Variants in PPP1R9A observed in about 807,000 individuals in gnomAD.
PPP1R9A encodes the protein protein phosphatase 1 regulatory subunit 9A, also known as neurabin-1.
In PPP1R9A, 59 loss-of-function variants were observed where a neutral mutation model predicts 141.9. The observed-to-expected ratio is 0.42, with a 90% CI of 0.34 to 0.52. PPP1R9A has a LOEUF of 0.52. Ranked by LOEUF, PPP1R9A falls within the 20% of genes least tolerant of loss-of-function variation. The pLI is 0.10. For missense variants in PPP1R9A, 1,444 were observed against 1,611.9 expected, an observed-to-expected ratio of 0.90 and a Z score of 1.78; for synonymous variants, 500 against 569.7, an observed-to-expected ratio of 0.88 and a Z score of 1.74.
At chr7:95,202,660 T>C in intron 6 of PPP1R9A, 1 of 831,006 alleles carries the variant, frequency 1.2e-6, no homozygotes, top group African/African-American at 1.9e-5. Context: ...AACTAGAATT[T>C]AACTTTTTAG....
intron 12 of PPP1R9A, among the ~76,000 whole-genome samples, chr7:95,264,522 T>A (rs854518): frequency 0.37 from 56,464 of 152,042 alleles, 11,088 homozygotes; most frequent in Middle Eastern, 0.5. Context: ...TCCTAATTTC[T>A]TAGAGCATTT....
At chr7:95,118,273 A>G (rs972902386) in intron 3 of PPP1R9A, among the ~76,000 whole-genome samples, 1 of 152,230 alleles carries the variant, frequency 6.6e-6, no homozygotes, top group East Asian at 1.9e-4. Flanking sequence ...AACAAGATAA[A>G]TCCTCTTGAT....
At chr7:95,283,015 A>C (rs1804562585) in intron 16 of PPP1R9A, among the ~76,000 whole-genome samples, 1 of 152,204 alleles carries the variant, frequency 6.6e-6, no homozygotes, top group Non-Finnish European at 1.5e-5. Flanking sequence ...TGTGGTGTCC[A>C]GGCACTTTTA....
At chr7:94,958,402 T>C (rs1337777498) in intron 2 of PPP1R9A, among the ~76,000 whole-genome samples, 1 of 152,056 alleles carries the variant, frequency 6.6e-6, no homozygotes, top group Non-Finnish European at 1.5e-5. Context: ...AGTAGAGCCC[T>C]TGTCTATCTC....
chr7:95,122,135 C>T (rs1584803781), intron 4 of PPP1R9A, among the ~76,000 whole-genome samples: 1 of 151,250 alleles, frequency 6.6e-6, no homozygotes, highest in Admixed American at 6.6e-5. Flanking sequence ...TGTGAGGAGA[C>T]CCAGAGCACC....
intron 2 of PPP1R9A, among the ~76,000 whole-genome samples, chr7:94,942,974 T>G (rs1795506555): frequency 6.6e-6 from 1 of 152,094 alleles, no homozygotes; most frequent in Non-Finnish European, 1.5e-5. Flanking sequence ...AAAATCAATC[T>G]CATAACTTTC....
intron 12 of PPP1R9A, among the ~76,000 whole-genome samples, chr7:95,266,820 C>A (rs977364181): frequency 1.3e-5 from 2 of 152,052 alleles, no homozygotes; most frequent in Non-Finnish European, 2.9e-5. Flanking sequence ...TATATTTAAG[C>A]AAGAGCTTAT....
chr7:94,916,051 T>C (rs1792035769), intron 2 of PPP1R9A, among the ~76,000 whole-genome samples: 1 of 152,220 alleles, frequency 6.6e-6, no homozygotes, highest in Admixed American at 6.5e-5. Flanking sequence ...TTTATTTTAT[T>C]GTTGTCATGT....
intron 2 of PPP1R9A, among the ~76,000 whole-genome samples, chr7:95,037,916 G>A (rs1808669034): frequency 6.7e-6 from 1 of 149,796 alleles, no homozygotes; most frequent in Non-Finnish European, 1.5e-5. Flanking sequence ...ACCAGCCTGG[G>A]CAATATAGGG....
At chr7:95,157,239 G>A (rs1354701201) in intron 4 of PPP1R9A, among the ~76,000 whole-genome samples, 1 of 152,072 alleles carries the variant, frequency 6.6e-6, no homozygotes, top group Non-Finnish European at 1.5e-5. Flanking sequence ...GGGCAGGGGG[G>A]CCTTCTCAGC....
chr7:95,002,547 G>A (rs769989609), intron 2 of PPP1R9A, among the ~76,000 whole-genome samples: 13 of 152,114 alleles, frequency 8.5e-5, no homozygotes, highest in South Asian at 8.3e-4. Flanking sequence ...CAACTTAGAC[G>A]TGATGTTGCA....
At chr7:95,213,944 A>G (rs1180990979) in intron 7 of PPP1R9A, among the ~76,000 whole-genome samples, 1 of 152,150 alleles carries the variant, frequency 6.6e-6, no homozygotes, top group African/African-American at 2.4e-5. Flanking sequence ...TAATGTTGCT[A>G]AGCTTTGTGT....
At chr7:95,036,819 A>C (rs1282095084) in intron 2 of PPP1R9A, 1 of 152,184 alleles carries the variant, frequency 6.6e-6, no homozygotes, top group Non-Finnish European at 1.5e-5. Context: ...CTCTCCAGTG[A>C]TCTAGACTGA....
At chr7:95,004,643 A>T (rs1319006565) in intron 2 of PPP1R9A, among the ~76,000 whole-genome samples, 1 of 152,216 alleles carries the variant, frequency 6.6e-6, no homozygotes. Flanking sequence ...CAGAGTACTC[A>T]TGCATAGAAT....
At chr7:94,912,797 T>C (rs1042530524) in intron 2 of PPP1R9A, among the ~76,000 whole-genome samples, 1 of 152,202 alleles carries the variant, frequency 6.6e-6, no homozygotes, top group East Asian at 1.9e-4. Context: ...AGTTAAACTG[T>C]AGTTTAAAAT....
chr7:94,907,736 C>G (rs1790904352), intron 1 of PPP1R9A, 34 bp downstream of exon 1: 1 of 152,300 alleles, frequency 6.6e-6, no homozygotes, highest in Admixed American at 6.5e-5. Context: ...TTCCTCACCC[C>G]CGCGGCCTCT....
intron 2 of PPP1R9A, among the ~76,000 whole-genome samples, chr7:94,956,644 G>C (rs1231246779): frequency 1.3e-5 from 2 of 152,020 alleles, no homozygotes; most frequent in South Asian, 2.1e-4. Flanking sequence ...GGAGTTGAAG[G>C]CTGCAGTGAG....
At chr7:95,029,648 A>G (rs148377293) in intron 2 of PPP1R9A, among the ~76,000 whole-genome samples, 8 of 152,320 alleles carry the variant, frequency 5.3e-5, no homozygotes, top group Non-Finnish European at 1.0e-4. Flanking sequence ...TAGGGATAGG[A>G]GACTTATATC....
At chr7:95,097,357 C>T (rs1818182096) in intron 2 of PPP1R9A, among the ~76,000 whole-genome samples, 1 of 152,078 alleles carries the variant, frequency 6.6e-6, no homozygotes, top group Non-Finnish European at 1.5e-5. Context: ...GAGCATAGTG[C>T]CAACCAGTGA....
Sources: allele counts gnomAD v4.1 joint callset (sites outside exome capture counted in the v4.1 genomes callset), GRCh38; gene constraint gnomAD v4.1.1; transcripts MANE v1.5; gene names NCBI Gene and HGNC (gene_info 2026-07-23, HGNC 2026-07-21).